The following DGKG variants were observed in gnomAD, a reference collection of about 807,000 sequenced individuals.
The protein encoded by DGKG is DAG kinase gamma.
DGKG carries 78 observed loss-of-function variants against 105.3 expected under a neutral mutation model. That is an observed-to-expected ratio of 0.74 (90% CI 0.62 to 0.89). The LOEUF (loss-of-function observed/expected upper bound fraction) is 0.89, where lower values mean the gene tolerates loss of function less well. Among genes scored for constraint, DGKG ranks in the 40% least tolerant of loss-of-function variants. The probability of loss-of-function intolerance (pLI) is 0.00; values close to 1 mark genes in which losing one functional copy is unlikely to be tolerated. For synonymous variants in DGKG, 346 were observed against 367.1 expected, an observed-to-expected ratio of 0.94 and a Z score of 0.66; for missense variants, 958 against 1,020.1, an observed-to-expected ratio of 0.94 and a Z score of 0.83.
chr3:186,248,719 G>C (rs559356922), intron 19 of DGKG, among the ~76,000 whole-genome samples: 1 of 152,284 alleles, frequency 6.6e-6, no homozygotes, highest in South Asian at 2.1e-4. Context: ...CATGAAGACG[G>C]AGGGGGCTTC....
intron 16 of DGKG, among the ~76,000 whole-genome samples, chr3:186,259,102 G>T (rs531586140): frequency 9.7e-6 from 1 of 103,418 alleles, no homozygotes; most frequent in Non-Finnish European, 1.9e-5. Flanking sequence ...TCTGCTCTCC[G>T]ACGGGACTCT....
chr3:186,284,686 C>A lies in DGKG; in HGVS notation c.568G>T (p.Asp190Tyr). 6.2e-7 allele frequency: 1 copy of A among 1,613,964 alleles called. No homozygotes were observed. Among genetic ancestry groups the A allele is most frequent in the Non-Finnish European group, 8.5e-7 (1 of 1,179,850 alleles). Residue 190 changes from aspartate (D) to tyrosine (Y), a missense_variant, in exon 7 of 25, where the codon GAT becomes TAT. This residue lies in a region of DGKG where 643 missense variants were observed against 619.5 expected (regional missense o/e 1.04). Coordinates refer to ENST00000265022, the MANE Select transcript of DGKG (RefSeq NM_001346.3). This position sits in a 1 kb window ranked among gnomAD's most constrained non-coding sequence, Gnocchi z 4.0. ...GCTTGGTCCAGGAGACCGTTCTCAT[C>A]TGAATCATAGAGGCGAAACATGACT... Reference protein sequence around the residue: ...LEFMFRLYDSDENGLLDQAEM... With the variant: ...LEFMFRLYDSYENGLLDQAEM...
chr3:186,306,288 TG>T (rs1324826952), intron 3 of DGKG, among the ~76,000 whole-genome samples: 4 of 152,014 alleles, frequency 2.6e-5, no homozygotes, highest in Admixed American at 2.6e-4. Flanking sequence ...GTCAGGAAAA[TG>T]TTTTTAATAT....
At chr3:186,338,043 ACC>A (rs1725911195) in intron 1 of DGKG, among the ~76,000 whole-genome samples, 1 of 151,524 alleles carries the variant, frequency 6.6e-6, no homozygotes, top group Non-Finnish European at 1.5e-5. Context: ...GATGGTGTGT[ACC>A]TGTAGTCCCA....
intron 9 of DGKG, among the ~76,000 whole-genome samples, chr3:186,275,978 AT>A: frequency 6.6e-6 from 1 of 151,922 alleles, no homozygotes; most frequent in African/African-American, 2.4e-5. Flanking sequence ...CTATCTATCT[AT>A]CTATCTATCT....
chr3:186,223,414 C>T (rs1719696606), intron 20 of DGKG, among the ~76,000 whole-genome samples: 2 of 152,082 alleles, frequency 1.3e-5, no homozygotes, highest in Admixed American at 6.5e-5. Context: ...GCCTATGTTT[C>T]CTGTGCCTTC....
At chr3:186,263,104 G>T (rs1721855300) in intron 14 of DGKG, among the ~76,000 whole-genome samples, 1 of 151,508 alleles carries the variant, frequency 6.6e-6, no homozygotes, top group Admixed American at 6.6e-5. Context: ...TCCAGCCTGG[G>T]CGACAGAGCA....
intron 3 of DGKG, among the ~76,000 whole-genome samples, chr3:186,299,833 CTTTCTTTTTTTT>C (rs1249058456): frequency 7.2e-5 from 7 of 97,604 alleles, no homozygotes; most frequent in African/African-American, 2.7e-4. Context: ...TTCTTTCTTT[CTTTCTTTTTTTT>C]TTTTTTTGAG....
intron 1 of DGKG, among the ~76,000 whole-genome samples, chr3:186,350,873 C>G (rs2108672935): frequency 6.6e-6 from 1 of 152,258 alleles, no homozygotes; most frequent in Middle Eastern, 3.4e-3. Context: ...TTTTCATGTG[C>G]TTATTGCTAT....
At chr3:186,258,257 C>A (rs935122732) in intron 16 of DGKG, among the ~76,000 whole-genome samples, 6 of 152,168 alleles carry the variant, frequency 3.9e-5, no homozygotes, top group Admixed American at 1.3e-4. Flanking sequence ...CAAATAGCCC[C>A]CAGTGTTTTC....
At chr3:186,207,480 A>G (rs1718802613) in intron 21 of DGKG, 1 of 985,352 alleles carries the variant, frequency 1.0e-6, no homozygotes, top group Non-Finnish European at 1.2e-6. Flanking sequence ...CCTGCCACTT[A>G]GGGCTGCTTT....
At chr3:186,272,689 C>T (rs949957650) in intron 10 of DGKG, among the ~76,000 whole-genome samples, 3 of 152,200 alleles carry the variant, frequency 2.0e-5, no homozygotes, top group Admixed American at 6.5e-5. Context: ...ATTGCATGCC[C>T]GGGACATTGG....
At chr3:186,256,260 G>A (rs1473671958) in intron 17 of DGKG, among the ~76,000 whole-genome samples, 1 of 152,110 alleles carries the variant, frequency 6.6e-6, no homozygotes, top group Admixed American at 6.5e-5. Context: ...GCAGGTGTAC[G>A]GTCCTGCAGC....
rs1029227254 is a variant in DGKG, at chr3:186,284,504, G to A, written c.594+156C>T. ...GCAAGGCCGGCCCTTTGGAAATAGC[G>A]GGTGGAGAGGTCCTAGTCGGATTTC... On this transcript the variant is annotated intron_variant, in intron 7 of 24. Coordinates refer to ENST00000265022, the MANE Select transcript of DGKG (RefSeq NM_001346.3). This position sits in a 1 kb window ranked among gnomAD's most constrained non-coding sequence, Gnocchi z 4.0. Among the ~76,000 whole-genome samples, 11 of 152,264 alleles carry A rather than the reference G, an allele frequency of 7.2e-5. No homozygotes were observed. The highest frequency in any genetic ancestry group is 2.1e-4 in the South Asian group (1 of 4,824).
rs1158354742 is a variant in DGKG, at chr3:186,353,374, CCAG to C, written c.-249+8569_-249+8571del. Among the ~76,000 whole-genome samples, 7 of 151,862 alleles carry C rather than the reference CCAG, an allele frequency of 4.6e-5. No homozygotes were observed. The East Asian group carries it at 1.4e-3, about 29-fold the overall frequency. ...TCTCTATTAAAAACACAAAAATTAG[CCAG>C]ATGTGGTGGCATGCATCTGTAATCC... On this transcript the variant is annotated intron_variant, in intron 1 of 24. Transcript: ENST00000265022.
intron 21 of DGKG, among the ~76,000 whole-genome samples, chr3:186,204,622 A>T (rs1307089726): frequency 6.6e-6 from 1 of 152,122 alleles, no homozygotes; most frequent in Non-Finnish European, 1.5e-5. Flanking sequence ...TAAATTTTTT[A>T]AAATTTAACC....
At chr3:186,306,273 G>A (rs1724234128) in intron 3 of DGKG, among the ~76,000 whole-genome samples, 1 of 152,304 alleles carries the variant, frequency 6.6e-6, no homozygotes, top group Middle Eastern at 3.4e-3. Context: ...AGAGGAGGAA[G>A]TGGAGTCAGG....
At chr3:186,233,328 G>C (rs1247438862) in intron 20 of DGKG, among the ~76,000 whole-genome samples, 1 of 152,200 alleles carries the variant, frequency 6.6e-6, no homozygotes, top group Non-Finnish European at 1.5e-5. Flanking sequence ...GAGCCAAAGA[G>C]TGGTGACACC....
chr3:186,269,567 C>A (rs1722218773), intron 11 of DGKG, among the ~76,000 whole-genome samples: 1 of 152,178 alleles, frequency 6.6e-6, no homozygotes, highest in Non-Finnish European at 1.5e-5. Flanking sequence ...CCTGGGGGAG[C>A]TTTTAGACAT....
Sources: gnomAD v4.1 joint callset for allele counts (sites outside exome capture counted in the v4.1 genomes callset) on GRCh38, gnomAD v4.1.1 for gene constraint, gnomAD v4.1.1 regional missense constraint, Gnocchi (gnomAD v3.1) non-coding constraint, MANE v1.5 for transcripts, NCBI Gene and HGNC (gene_info 2026-07-23, HGNC 2026-07-21) for gene names.